The following SH2B3 variants were observed in gnomAD, a reference collection of about 807,000 sequenced individuals.
SH2B3 encodes SH2B adaptor protein 3.
A neutral mutation model predicts 51.9 loss-of-function variants in SH2B3; 43 were observed. That is an observed-to-expected ratio of 0.83 (90% CI 0.65 to 1.07). The LOEUF is 1.07. Among genes scored for constraint, SH2B3 ranks in the 50% least tolerant of loss-of-function variants. SH2B3 has a pLI of 0.00. For missense variants in SH2B3, 952 were observed against 834.3 expected (o/e 1.14, Z -1.74); for synonymous variants, 396 against 376.0 (o/e 1.05, Z -0.62).
At chr12:111,433,777 G>GT (rs902624826) in intron 2 of SH2B3, among the ~76,000 whole-genome samples, 12 of 152,058 alleles carry the variant, frequency 7.9e-5, no homozygotes, top group Non-Finnish European at 1.5e-5. Flanking sequence ...GTTTTGTTTT[G>GT]TTTTGTTTTT....
chr12:111,434,792 T>G (rs1383742590), intron 2 of SH2B3: 2 of 1,484,808 alleles, frequency 1.3e-6, no homozygotes, highest in East Asian at 5.0e-5. Context: ...TGTTGTTTTG[T>G]GATGTCAGTG....
At chr12:111,433,360 A>G (rs912468980) in intron 2 of SH2B3, among the ~76,000 whole-genome samples, 3 of 152,174 alleles carry the variant, frequency 2.0e-5, no homozygotes, top group African/African-American at 7.2e-5. Flanking sequence ...CAGAAAAAAA[A>G]ATGACTATAT....
Position 111,410,578 on chromosome 12 carries a change from G to A in SH2B3, c.-28+4301G>A, listed in dbSNP as rs1156684388. Among the ~76,000 whole-genome samples, 1 of 152,182 alleles carries A rather than the reference G, an allele frequency of 6.6e-6. No individual in the cohort carries two copies. The highest frequency in any genetic ancestry group is 2.4e-5 in the African/African-American group (1 of 41,448). Reference sequence around the variant, plus strand: ...CGGTGGCTGGGATGTCAGGCTGGCGGTGTGGGCAGAGGAAGCCAGAGGACA... The same window carrying A: ...CGGTGGCTGGGATGTCAGGCTGGCGATGTGGGCAGAGGAAGCCAGAGGACA... On this transcript the variant is annotated intron_variant, in intron 1 of 7. Coordinates refer to ENST00000341259, the MANE Select transcript of SH2B3 (RefSeq NM_005475.3). The surrounding 1 kb of genome is among the most constrained non-coding windows in gnomAD (Gnocchi z 4.9).
rs369206526 is a variant in SH2B3 at position 111,435,191 on chromosome 12, C to T, written c.733-11562C>T. Among the ~76,000 whole-genome samples, 2 of 152,174 alleles carry T rather than the reference C, an allele frequency of 1.3e-5. No homozygotes were observed. Among genetic ancestry groups the T allele is most frequent in the South Asian group, 2.1e-4 (1 of 4,828 alleles). ...ACCCGGTGCAGAGCAGATGCTTGGC[C>T]GGGGCTTCCCCGAGCTGGTCCTGGC... On this transcript the variant is annotated intron_variant, in intron 2 of 7. Coordinates refer to ENST00000341259, the MANE Select transcript of SH2B3 (RefSeq NM_005475.3). This position sits in a 1 kb window ranked among gnomAD's most constrained non-coding sequence, Gnocchi z 4.8.
intron 2 of SH2B3, among the ~76,000 whole-genome samples, chr12:111,440,288 C>G (rs948368803): frequency 1.3e-5 from 2 of 152,234 alleles, no homozygotes; most frequent in African/African-American, 4.8e-5. Flanking sequence ...CTGCTCCTTG[C>G]ACGGAGCTGG....
intron 2 of SH2B3, 129 bp from the exon 3 acceptor site, chr12:111,446,624 C>T: frequency 1.7e-6 from 1 of 592,104 alleles, no homozygotes; most frequent in East Asian, 2.9e-5. Context: ...AGGCTCAGAG[C>T]CTGCCCAGCA....
At chr12:111,447,917 G>T in intron 7 of SH2B3, 66 bp from the exon 8 acceptor site, 1 of 1,551,598 alleles carries the variant, frequency 6.4e-7, no homozygotes, top group South Asian at 1.2e-5. Context: ...CAGGTATCTT[G>T]TTCTGTGTCC....
chr12:111,421,125 GT>G (rs147335957), intron 2 of SH2B3, among the ~76,000 whole-genome samples: 2,476 of 152,220 alleles, frequency 0.016, 71 homozygotes, highest in African/African-American at 0.055. Flanking sequence ...GAATCACACA[GT>G]AGGTTGCCTT....
Position 111,450,500 on chromosome 12 carries a change from C to T in SH2B3, c.*2198C>T, listed in dbSNP as rs1179873954. ...TAGATAATGAACCAAATTAAGTTCCCTCCCTCCAGCCAGAAGTTAAACATC... is the reference window on the plus strand; with the variant it reads ...TAGATAATGAACCAAATTAAGTTCCTTCCCTCCAGCCAGAAGTTAAACATC... On this transcript the variant is annotated 3_prime_UTR_variant, in exon 8 of 8. Coordinates refer to ENST00000341259, the MANE Select transcript of SH2B3 (RefSeq NM_005475.3). 2 of 152,220 alleles carry T rather than the reference C, an allele frequency of 1.3e-5. No individual in the cohort carries two copies. Among genetic ancestry groups the T allele is most frequent in the African/African-American group, 4.8e-5 (2 of 41,448 alleles). The allele number at this position is 152,220 out of a possible 1,614,324, so 9.4% of individuals were successfully genotyped here.
At position 111,429,553 on chromosome 12, in the gene SH2B3, C is replaced by T. The variant is rs534163292; in HGVS notation, c.732+10676C>T. Among the ~76,000 whole-genome samples, 8 of 152,260 alleles carry T rather than the reference C, an allele frequency of 5.3e-5. No individual in the cohort carries two copies. Among genetic ancestry groups the T allele is most frequent in the Admixed American group, 2.0e-4 (3 of 15,304 alleles). The stretch of plus-strand genomic sequence containing the variant: ...TTCGCCATGTTGGCCAGGCTGGTCT[C>T]GAACTCCTGACCTCAGGCTGTCCAT... On this transcript the variant is annotated intron_variant, in intron 2 of 7. Coordinates refer to ENST00000341259, the MANE Select transcript of SH2B3 (RefSeq NM_005475.3). The surrounding 1 kb of genome is among the most constrained non-coding windows in gnomAD (Gnocchi z 4.4).
At chr12:111,423,406 G>GT (rs1189458402) in intron 2 of SH2B3, among the ~76,000 whole-genome samples, 5 of 152,066 alleles carry the variant, frequency 3.3e-5, no homozygotes, top group Non-Finnish European at 7.4e-5. Flanking sequence ...GTCTTGCTCT[G>GT]TTGCCCAGGC....
rs1199162852 is a variant in SH2B3, at chr12:111,410,826, T to A, written c.-28+4549T>A. The stretch of plus-strand genomic sequence containing the variant: ...GGGCAGCAGGCCGCCTGCCAGGCAG[T>A]GTGTGTCAGAATCCCACAACTCTCT... On this transcript the variant is annotated intron_variant, in intron 1 of 7. Coordinates refer to ENST00000341259, the MANE Select transcript of SH2B3 (RefSeq NM_005475.3). The surrounding 1 kb of genome is among the most constrained non-coding windows in gnomAD (Gnocchi z 4.9). Among the ~76,000 whole-genome samples, 1 of 152,192 alleles carries A rather than the reference T, an allele frequency of 6.6e-6. No individual in the cohort carries two copies. Among genetic ancestry groups the A allele is most frequent in the Non-Finnish European group, 1.5e-5 (1 of 68,018 alleles).
rs1423824896 is a variant in SH2B3, at chr12:111,409,863, T to TC, written c.-28+3590dup. On this transcript the variant is annotated intron_variant, in intron 1 of 7. Transcript: ENST00000341259. The surrounding 1 kb of genome is among the most constrained non-coding windows in gnomAD (Gnocchi z 4.0). ...CCTCCCAGCAGGGGCAGAGGACACT[T>TC]CCCCAGGGGAACAGGTCCTCCTGGT... 2.6e-5 allele frequency among the ~76,000 whole-genome samples: 4 copies of TC among 152,038 alleles called. No homozygotes were observed. Among genetic ancestry groups the TC allele is most frequent in the Non-Finnish European group, 4.4e-5 (3 of 67,970 alleles).
intron 2 of SH2B3, chr12:111,443,630 A>G (rs1452528433): frequency 6.6e-6 from 1 of 152,262 alleles, no homozygotes; most frequent in African/African-American, 2.4e-5. Flanking sequence ...AAATGGGGCA[A>G]TAGTTCTGTA....
chr12:111,410,420 T>C lies in SH2B3; in HGVS notation c.-28+4143T>C, dbSNP rs1271948698. Among the ~76,000 whole-genome samples the C allele has an allele frequency of 4.6e-5, 7 of 152,210 alleles. No homozygotes were observed. Among genetic ancestry groups the C allele is most frequent in the Admixed American group, 1.3e-4 (2 of 15,290 alleles). The stretch of plus-strand genomic sequence containing the variant: ...CTGCCCTCCTAGGGTCTCCCCTGTC[T>C]GCCCTCAACCCAGAGGCAGTGAAAG... On this transcript the variant is annotated intron_variant, in intron 1 of 7. Transcript: ENST00000341259. The surrounding 1 kb of genome is among the most constrained non-coding windows in gnomAD (Gnocchi z 4.9).
At chr12:111,446,154 T>G (rs1349415184) in intron 2 of SH2B3, among the ~76,000 whole-genome samples, 1 of 152,202 alleles carries the variant, frequency 6.6e-6, no homozygotes, top group Non-Finnish European at 1.5e-5. Context: ...CTGAGCAGAT[T>G]CCCAACCGGA....
At position 111,441,633 on chromosome 12, in the gene SH2B3, C is replaced by T. The variant is rs536122433; in HGVS notation, c.733-5120C>T. Among the ~76,000 whole-genome samples, 16 of 152,244 alleles carry T rather than the reference C, an allele frequency of 1.1e-4. No homozygotes were observed. In the South Asian group the frequency reaches 2.1e-3, roughly 20 times the overall value. On this transcript the variant is annotated intron_variant, in intron 2 of 7. Coordinates refer to ENST00000341259, the MANE Select transcript of SH2B3 (RefSeq NM_005475.3). ...GTTTGCGAGGTGAGGACCTTCCTCA[C>T]CTCAATCCCATATTACCTTGGGATG...
chr12:111,421,605 T>C (rs888210794), intron 2 of SH2B3, among the ~76,000 whole-genome samples: 1 of 151,862 alleles, frequency 6.6e-6, no homozygotes, highest in Non-Finnish European at 1.5e-5. Context: ...TTTGTGGAGA[T>C]GGGATTTCAC....
intron 1 of SH2B3, among the ~76,000 whole-genome samples, chr12:111,412,839 G>T (rs1870806274): frequency 6.6e-6 from 1 of 152,162 alleles, no homozygotes; most frequent in African/African-American, 2.4e-5. Flanking sequence ...CCGAGGTATT[G>T]AGATTATAGG....
Sources: allele counts gnomAD v4.1 joint callset (sites outside exome capture counted in the v4.1 genomes callset), GRCh38; gene constraint gnomAD v4.1.1; non-coding constraint Gnocchi (gnomAD v3.1); transcripts MANE v1.5; gene names NCBI Gene and HGNC (gene_info 2026-07-23, HGNC 2026-07-21).